CSRNP3: variants seen among roughly 807,000 people sequenced by gnomAD.
CSRNP3 encodes cysteine/serine-rich nuclear protein 3.
CSRNP3 carries 12 observed loss-of-function variants against 48.0 expected under a neutral mutation model. The observed-to-expected ratio is 0.25, with a 90% CI of 0.16 to 0.41. The LOEUF (loss-of-function observed/expected upper bound fraction) is 0.41. CSRNP3 is among the 10% of genes least tolerant of loss of function. The pLI is 1.00. For synonymous variants in CSRNP3, 263 were observed against 269.7 expected, an observed-to-expected ratio of 0.98 and a Z score of 0.24; for missense variants, 580 against 724.4, an observed-to-expected ratio of 0.80 and a Z score of 2.29.
chr2:165,577,482 T>TATA (rs1685471581), intron 3 of CSRNP3, among the ~76,000 whole-genome samples: 1 of 151,862 alleles, frequency 6.6e-6, no homozygotes, highest in Non-Finnish European at 1.5e-5. Flanking sequence ...AGGCCAGTTC[T>TATA]TAAAAATGCC....
rs1008327779 is a variant in CSRNP3, at chr2:165,686,011, G to T, written c.*6258G>T. The T allele has an allele frequency of 6.6e-6, 1 of 152,076 alleles. No homozygotes were observed. Among genetic ancestry groups the T allele is most frequent in the Non-Finnish European group, 1.5e-5 (1 of 67,970 alleles). The allele number at this position is 152,076 out of a possible 1,614,324, so 9.4% of individuals were successfully genotyped here. A position where few individuals can be genotyped will look rare whatever the true frequency, so the allele number is the denominator to read the frequency against. ...AGAAATTAGCCTTGCCATTGTCTAAGTTAATTTATGTGACCTGATTGAACA... is the reference window on the plus strand; with the variant it reads ...AGAAATTAGCCTTGCCATTGTCTAATTTAATTTATGTGACCTGATTGAACA... On this transcript the variant is annotated 3_prime_UTR_variant, in exon 7 of 7. Coordinates refer to ENST00000651982, the MANE Select transcript of CSRNP3 (RefSeq NM_001172173.2).
At chr2:165,537,093 AT>A (rs1405947965) in intron 3 of CSRNP3, among the ~76,000 whole-genome samples, 2 of 151,510 alleles carry the variant, frequency 1.3e-5, no homozygotes, top group African/African-American at 4.8e-5. Context: ...CAGATCTCTT[AT>A]TTTTTGCATC....
chr2:165,574,165 C>T (rs1445301416), intron 3 of CSRNP3: 10 of 496,048 alleles, frequency 2.0e-5, no homozygotes, highest in South Asian at 3.4e-5. Context: ...CAATTCCTTA[C>T]CCAGCATTCC....
intron 3 of CSRNP3, among the ~76,000 whole-genome samples, chr2:165,541,245 G>T (rs1240210365): frequency 6.6e-6 from 1 of 151,458 alleles, no homozygotes; most frequent in Non-Finnish European, 1.5e-5. Flanking sequence ...AGACAGTGAG[G>T]AAGGACTTCC....
At chr2:165,512,579 T>C (rs1306101926) in intron 2 of CSRNP3, among the ~76,000 whole-genome samples, 1 of 152,220 alleles carries the variant, frequency 6.6e-6, no homozygotes, top group Non-Finnish European at 1.5e-5. Context: ...AGTACTATTA[T>C]TCTTTTGGAA....
chr2:165,493,971 T>C (rs1399703526), intron 1 of CSRNP3, among the ~76,000 whole-genome samples: 1 of 152,106 alleles, frequency 6.6e-6, no homozygotes, highest in Non-Finnish European at 1.5e-5. Context: ...ATGAAGAAAT[T>C]ACTACTCTCA....
At chr2:165,535,094 T>C (rs1293713845) in intron 3 of CSRNP3, among the ~76,000 whole-genome samples, 1 of 151,790 alleles carries the variant, frequency 6.6e-6, no homozygotes, top group Non-Finnish European at 1.5e-5. Flanking sequence ...AAATACTTGT[T>C]AGTTATGTTT....
chr2:165,625,542 G>C (rs1180920600), intron 4 of CSRNP3, among the ~76,000 whole-genome samples: 2 of 151,860 alleles, frequency 1.3e-5, no homozygotes, highest in African/African-American at 4.8e-5. Context: ...GCTGAGACAG[G>C]AGAATTGCTT....
At chr2:165,586,046 T>G (rs1170572521) in intron 3 of CSRNP3, among the ~76,000 whole-genome samples, 1 of 152,166 alleles carries the variant, frequency 6.6e-6, no homozygotes, top group African/African-American at 2.4e-5. Context: ...CCTTTCATTT[T>G]CCGGCCAGGA....
chr2:165,503,469 TTA>T (rs1202821440), intron 2 of CSRNP3, among the ~76,000 whole-genome samples: 1 of 151,974 alleles, frequency 6.6e-6, no homozygotes, highest in Non-Finnish European at 1.5e-5. Flanking sequence ...GTAGATTTCA[TTA>T]TCTCAGATGA....
In CSRNP3 at chr2:165,578,782, T is replaced by C. The variant is rs567558605; in HGVS notation, c.-23-16261T>C. 1.3e-4 allele frequency among the ~76,000 whole-genome samples: 20 copies of C among 152,252 alleles called. No homozygotes were observed. The South Asian group carries it at 2.3e-3, about 17-fold the overall frequency. On this transcript the variant is annotated intron_variant, in intron 3 of 6. Transcript: ENST00000651982. Reference sequence around the variant, plus strand: ...AGCTTTTATTGTGTTGTATATTATATGTGATTTCAAGCTATATCGTGGAAT... The same window carrying C: ...AGCTTTTATTGTGTTGTATATTATACGTGATTTCAAGCTATATCGTGGAAT...
chr2:165,597,351 A>G (rs963187227), intron 4 of CSRNP3, among the ~76,000 whole-genome samples: 8 of 152,316 alleles, frequency 5.3e-5, no homozygotes, highest in East Asian at 1.9e-4. Flanking sequence ...AAAATTTTAT[A>G]TATAAGAAGA....
intron 1 of CSRNP3, among the ~76,000 whole-genome samples, chr2:165,478,053 A>G (rs1683991831): frequency 6.6e-6 from 1 of 151,984 alleles, no homozygotes; most frequent in Admixed American, 6.6e-5. Flanking sequence ...AAGGAAGGAA[A>G]GGAAAGAAAC....
chr2:165,662,940 C>T (rs1236790738), intron 5 of CSRNP3, among the ~76,000 whole-genome samples: 1 of 152,066 alleles, frequency 6.6e-6, no homozygotes, highest in Non-Finnish European at 1.5e-5. Context: ...ATTTAAAAAA[C>T]AAACAAAAAA....
rs139290716 is a variant in CSRNP3, at chr2:165,667,611, C to A, written c.409-8701C>A. Among the ~76,000 whole-genome samples, 612 of 152,304 alleles carry A rather than the reference C, an allele frequency of 4.0e-3. 4 individuals are homozygous for A. Among genetic ancestry groups the A allele is most frequent in the South Asian group, 0.02 (99 of 4,832 alleles). ...TCCATAAAACAGCGGAGTCCTCTTT[C>A]GCTGTCTCCTCACCTCCCTTTTGCT... On this transcript the variant is annotated intron_variant, in intron 5 of 6. Transcript: ENST00000651982.
intron 3 of CSRNP3, among the ~76,000 whole-genome samples, chr2:165,592,695 T>A (rs1469368768): frequency 6.6e-6 from 1 of 152,180 alleles, no homozygotes; most frequent in Non-Finnish European, 1.5e-5. Context: ...AACTTCTCTC[T>A]TCTGCCATGT....
chr2:165,489,291 T>A (rs1424058008), intron 1 of CSRNP3, among the ~76,000 whole-genome samples: 3 of 148,390 alleles, frequency 2.0e-5, no homozygotes, highest in African/African-American at 7.5e-5. Context: ...GAGCTGAAAT[T>A]GTGGCAATAA....
chr2:165,603,591 A>T (rs752007213), intron 4 of CSRNP3, among the ~76,000 whole-genome samples: 1 of 151,886 alleles, frequency 6.6e-6, no homozygotes, highest in Non-Finnish European at 1.5e-5. Context: ...GCTTGTCTTT[A>T]TATAAGTTTC....
chr2:165,605,200 C>T (rs1183264633), intron 4 of CSRNP3, among the ~76,000 whole-genome samples: 1 of 152,060 alleles, frequency 6.6e-6, no homozygotes, highest in East Asian at 1.9e-4. Context: ...GAATCCTGTA[C>T]TCCCTTCCTA....
Sources: gnomAD v4.1 joint callset for allele counts (sites outside exome capture counted in the v4.1 genomes callset) on GRCh38, gnomAD v4.1.1 for gene constraint, MANE v1.5 for transcripts, NCBI Gene and HGNC (gene_info 2026-07-23, HGNC 2026-07-21) for gene names.